Variants in ZNF638 observed in about 807,000 individuals in gnomAD.
ZNF638 encodes the protein zinc finger protein 638, also known as CTCL tumor antigen se33-1.
A neutral mutation model predicts 195.6 loss-of-function variants in ZNF638; 46 were observed. That is an observed-to-expected ratio of 0.24 (90% CI 0.19 to 0.30). The LOEUF is 0.30. Among genes scored for constraint, ZNF638 ranks in the 10% least tolerant of loss-of-function variants. The pLI, the probability that ZNF638 is intolerant of heterozygous loss-of-function variation, is 1.00. For missense variants in ZNF638, 2,440 were observed against 2,325.3 expected (o/e 1.05, Z -1.01); for synonymous variants, 845 against 772.0 (o/e 1.09, Z -1.57).
chr2:71,335,614 T>C (rs2078652420), intron 1 of ZNF638, among the ~76,000 whole-genome samples: 2 of 152,340 alleles, frequency 1.3e-5, no homozygotes, highest in East Asian at 3.9e-4. Flanking sequence ...ATGATACTAA[T>C]TCATTCATGT....
At chr2:71,424,778 T>C in intron 23 of ZNF638, 63 bp downstream of exon 23, 1 of 1,320,154 alleles carries the variant, frequency 7.6e-7, no homozygotes, top group Non-Finnish European at 1.1e-6. Context: ...TTCATCTATC[T>C]TATAACTTGT....
In ZNF638 at chr2:71,406,206, G is replaced by T. The variant is rs760146384; in HGVS notation, c.3079G>T (p.Val1027Phe). The T allele has an allele frequency of 6.2e-7, 1 of 1,613,544 alleles. No homozygotes were observed. The highest frequency in any genetic ancestry group is 1.1e-5 in the South Asian group (1 of 91,072). Residue 1027 changes from valine to phenylalanine, a missense_variant, in exon 19 of 28, where the codon GTT (valine) becomes TTT (phenylalanine). By Grantham distance (50) the Val-to-Phe change is conservative. Around this residue, in one of 5 missense-constraint regions of ZNF638, gnomAD observed 1,883 missense variants for 1,739.1 expected, o/e 1.08. Coordinates refer to ENST00000264447, the MANE Select transcript of ZNF638 (RefSeq NM_014497.5). The part of the protein sequence containing the change: ...PEDGLQCVLC[V>F]GLQFGKVDHH... ...AGATGGACTTCAGTGTGTACTTTGTGTTGGACTTCAGTTTGGAAAAGTGGA... is the reference window on the plus strand; with the variant it reads ...AGATGGACTTCAGTGTGTACTTTGTTTTGGACTTCAGTTTGGAAAAGTGGA...
At chr2:71,386,033 T>TA (rs1475906745) in intron 10 of ZNF638, among the ~76,000 whole-genome samples, 3 of 152,156 alleles carry the variant, frequency 2.0e-5, no homozygotes, top group Non-Finnish European at 4.4e-5. Context: ...AAAAAGAACA[T>TA]ATGATCCTTT....
At chr2:71,353,286 TC>T (rs1454251714) in intron 2 of ZNF638, among the ~76,000 whole-genome samples, 1 of 152,194 alleles carries the variant, frequency 6.6e-6, no homozygotes, top group African/African-American at 2.4e-5. Flanking sequence ...AGGAGAAACT[TC>T]CCTTGGTTTA....
intron 10 of ZNF638, chr2:71,388,766 A>G (rs761050690): frequency 2.1e-6 from 2 of 966,338 alleles, no homozygotes. Context: ...GTTCAGGGGA[A>G]TTCTCAGACT....
chr2:71,409,342 G>T (rs2080166695), intron 20 of ZNF638, among the ~76,000 whole-genome samples: 1 of 152,106 alleles, frequency 6.6e-6, no homozygotes, highest in Non-Finnish European at 1.5e-5. Flanking sequence ...GTTTTTGTTA[G>T]ACTGAAATGT....
chr2:71,385,927 C>T (rs913042907), intron 10 of ZNF638, among the ~76,000 whole-genome samples: 1 of 151,890 alleles, frequency 6.6e-6, no homozygotes, highest in Non-Finnish European at 1.5e-5. Flanking sequence ...TCTGCGAGCA[C>T]TTTGAATAAT....
intron 1 of ZNF638, among the ~76,000 whole-genome samples, chr2:71,343,377 A>T (rs1427785141): frequency 6.6e-6 from 1 of 152,200 alleles, no homozygotes; most frequent in South Asian, 2.1e-4. Context: ...AGGGTCTGTT[A>T]GGATGTATCT....
chr2:71,388,318 C>T, intron 10 of ZNF638: 1 of 465,632 alleles, frequency 2.1e-6, no homozygotes, highest in Non-Finnish European at 4.0e-6. Flanking sequence ...ATCATCCGAC[C>T]TTTGATCATC....
At position 71,427,164 on chromosome 2, in the gene ZNF638, TAAC is replaced by T; in HGVS notation, c.5299_5301del (p.Asn1767del). 1.2e-6 allele frequency: 2 copies of T among 1,612,570 alleles called. No homozygotes were observed. ...AGGATGAAGACTCTCTGGCGGATTTTAACAACCTTAAAGAAGAGCTTAATTTTG... is the reference window on the plus strand; with the variant it reads ...AGGATGAAGACTCTCTGGCGGATTTTAACCTTAAAGAAGAGCTTAATTTTG... On this transcript the variant is annotated inframe_deletion, in exon 24 of 28. Transcript: ENST00000264447.
At chr2:71,394,304 CACTT>C (rs2079849126) in intron 10 of ZNF638, among the ~76,000 whole-genome samples, 1 of 152,200 alleles carries the variant, frequency 6.6e-6, no homozygotes, top group African/African-American at 2.4e-5. Flanking sequence ...CACCCCAAGA[CACTT>C]AATGGCATCT....
intron 20 of ZNF638, among the ~76,000 whole-genome samples, chr2:71,410,395 T>C (rs922651930): frequency 6.6e-6 from 1 of 151,830 alleles, no homozygotes. Context: ...TGTGTGTGTG[T>C]AGATGGGGTC....
At position 71,349,787 on chromosome 2, in the gene ZNF638, C is replaced by A; in HGVS notation, c.833C>A (p.Ser278Tyr). 1 of 1,614,152 alleles carries A rather than the reference C, an allele frequency of 6.2e-7. No individual in the cohort carries two copies. Among genetic ancestry groups the A allele is most frequent in the Non-Finnish European group, 8.5e-7 (1 of 1,180,030 alleles). ...CGCCAAATGGACTTCCCCGGTGAGT[C>A]CTCCAATAATCGGTCCTTTTTCTCA... ...VFRQMDFPGE[S>Y]SNNRSFFSVE... The change falls in exon 2 of 28, where the codon TCC (serine) becomes TAC (tyrosine). Residue 278 changes from serine (S) to tyrosine (Y), a missense_variant. This residue lies in a region of ZNF638 where 305 missense variants were observed against 283.6 expected (regional missense o/e 1.08). Transcript: ENST00000264447.
At chr2:71,431,505 A>T in intron 26 of ZNF638, 77 bp downstream of exon 26, 1 of 1,299,354 alleles carries the variant, frequency 7.7e-7, no homozygotes, top group East Asian at 2.5e-5. Context: ...CAAGCCTGTA[A>T]TCCCAGCACT....
At position 71,427,054 on chromosome 2, in the gene ZNF638, G is replaced by A; in HGVS notation, c.5185G>A (p.Asp1729Asn). The change falls in exon 24 of 28, where the codon GAC (aspartate) becomes AAC (asparagine). Residue 1729 changes from aspartate to asparagine, a missense_variant. Transcript: ENST00000264447. ...CTTCATTTCTTCTCAGGTGCCCGAA[G>A]ACCCTTCTACTTTAGTTACTGTAGA... Reference protein sequence around the residue: ...IGFISSQVPEDPSTLVTVDEI... With the variant: ...IGFISSQVPENPSTLVTVDEI... The A allele has an allele frequency of 6.2e-7, 1 of 1,613,990 alleles. No individual in the cohort carries two copies. The highest frequency in any genetic ancestry group is 1.1e-5 in the South Asian group (1 of 91,042).
chr2:71,396,262 A>G (rs2079892158), intron 11 of ZNF638, 71 bp downstream of exon 11: 1 of 1,278,576 alleles, frequency 7.8e-7, no homozygotes. Flanking sequence ...GTATGGCAGT[A>G]GTAGTCTTGG....
Position 71,364,112 on chromosome 2 carries a change from G to A in ZNF638, c.1577G>A (p.Cys526Tyr), listed in dbSNP as rs201804304. 4 of 1,614,110 alleles carry A rather than the reference G, an allele frequency of 2.5e-6. No homozygotes were observed. In the Admixed American group the frequency reaches 6.7e-5, roughly 27 times the overall value. Residue 526 changes from cysteine (C) to tyrosine (Y), a missense_variant, in exon 5 of 28, where the codon TGC becomes TAC. Physicochemically the swap from Cys to Tyr is radical, Grantham distance 194. Around this residue, in one of 5 missense-constraint regions of ZNF638, gnomAD observed 1,883 missense variants for 1,739.1 expected, o/e 1.08. Transcript: ENST00000264447. ...CCGAGAAGTCGAAGTCCAAGAATTT[G>A]CCATCGTTTCATTTCTAGATACAGA... Reference protein sequence around the residue: ...YRPRSRSPRICHRFISRYRSR... With the variant: ...YRPRSRSPRIYHRFISRYRSR...
chr2:71,422,727 C>A, intron 21 of ZNF638, 87 bp from the exon 22 acceptor site: 1 of 1,397,166 alleles, frequency 7.2e-7, no homozygotes. Context: ...CAGCAGGATT[C>A]TTTATAATGG....
chr2:71,419,958 T>TCCC (rs148198725), intron 21 of ZNF638, among the ~76,000 whole-genome samples: 223 of 26,458 alleles, frequency 8.4e-3, no homozygotes, highest in Middle Eastern at 0.023. Flanking sequence ...ACTTCTTAAT[T>TCCC]CCCACCCCCC....
Sources: allele counts gnomAD v4.1 joint callset (sites outside exome capture counted in the v4.1 genomes callset), GRCh38; gene constraint gnomAD v4.1.1; regional missense constraint gnomAD v4.1.1; transcripts MANE v1.5; gene names NCBI Gene and HGNC (gene_info 2026-07-23, HGNC 2026-07-21).